RYK: variants seen among roughly 807,000 people sequenced by gnomAD.
RYK encodes inactive tyrosine-protein kinase RYK.
A neutral mutation model predicts 70.2 loss-of-function variants in RYK; 21 were observed. The ratio of observed to expected loss-of-function variants is 0.30; its 90% CI spans 0.21 to 0.43. RYK has a LOEUF of 0.43. RYK is among the 20% of genes least tolerant of loss of function. RYK has a pLI of 1.00. For missense variants in RYK, 604 were observed against 753.3 expected, an observed-to-expected ratio of 0.80 and a Z score of 2.32; for synonymous variants, 267 against 278.0, an observed-to-expected ratio of 0.96 and a Z score of 0.39.
At chr3:134,188,116 T>C (rs895357196) in intron 9 of RYK, among the ~76,000 whole-genome samples, 5 of 150,762 alleles carry the variant, frequency 3.3e-5, no homozygotes, top group African/African-American at 1.2e-4. Flanking sequence ...CATGACAATA[T>C]AAACCAGTGC....
In RYK at chr3:134,190,300, T is replaced by C. The variant is rs563968242; in HGVS notation, c.1016-1377A>G. Among the ~76,000 whole-genome samples the C allele has an allele frequency of 5.3e-5, 8 of 152,204 alleles. 1 individual carries two copies. Among genetic ancestry groups the C allele is most frequent in the South Asian group, 4.1e-4 (2 of 4,834 alleles). On this transcript the variant is annotated intron_variant, in intron 8 of 14. Coordinates refer to ENST00000623711, the MANE Select transcript of RYK (RefSeq NM_002958.4). ...GCTTGACTGAGCTTCTTAACTCTCT[T>C]GCACTGAAGCACTGCAAAACCTCCT... is the stretch of plus-strand genomic sequence containing the variant.
chr3:134,234,936 A>G (rs1432576239), intron 1 of RYK, among the ~76,000 whole-genome samples: 1 of 152,180 alleles, frequency 6.6e-6, no homozygotes, highest in Non-Finnish European at 1.5e-5. Context: ...ATATTAGCAT[A>G]TAAAAGATAT....
chr3:134,237,456 T>C (rs755482846), intron 1 of RYK, among the ~76,000 whole-genome samples: 2 of 152,196 alleles, frequency 1.3e-5, no homozygotes, highest in Non-Finnish European at 2.9e-5. Context: ...TGGCTGGCTG[T>C]CGATAAAAGT....
At chr3:134,229,389 A>AC (rs2107689497) in intron 1 of RYK, among the ~76,000 whole-genome samples, 1 of 151,876 alleles carries the variant, frequency 6.6e-6, no homozygotes, top group South Asian at 2.1e-4. Context: ...GGAAAAAAAA[A>AC]AAAAAAAAAC....
At chr3:134,179,070 T>G (rs2013206607) in intron 10 of RYK, 1 of 152,102 alleles carries the variant, frequency 6.6e-6, no homozygotes, top group African/African-American at 2.4e-5. Flanking sequence ...AACAGGATAA[T>G]AAGTCACAAT....
rs187351653 is a variant in RYK, at chr3:134,160,729, C to G, written c.1576-1356G>C. ...AATTATCTGGGCATGGTGGCGCATG[C>G]CTGTAATCCCAGCTACTCGGGAGGC... On this transcript the variant is annotated intron_variant, in intron 13 of 14. Transcript: ENST00000623711. Among the ~76,000 whole-genome samples the G allele has an allele frequency of 1.9e-3, 283 of 152,260 alleles. 2 individuals carry two copies. The highest frequency in any genetic ancestry group is 6.7e-3 in the African/African-American group (279 of 41,556).
In RYK at chr3:134,250,603, C is replaced by A. The variant is rs1423800183; in HGVS notation, c.52G>T (p.Ala18Ser). 1 of 1,048,612 alleles carries A rather than the reference C, an allele frequency of 9.5e-7. No individual in the cohort carries two copies. Among genetic ancestry groups the A allele is most frequent in the Non-Finnish European group, 1.2e-6 (1 of 866,014 alleles). The allele number at this position is 1,048,612 out of a possible 1,614,324, so 65.0% of individuals were successfully genotyped here. A position where few individuals can be genotyped will look rare whatever the true frequency, so the allele number is the denominator to read the frequency against. Residue 18 changes from alanine to serine, a missense_variant, in exon 1 of 15, where the codon GCC (alanine) becomes TCC (serine). This residue lies in a region of RYK where 466 missense variants were observed against 535.9 expected (regional missense o/e 0.87). Transcript: ENST00000623711. ...GRPGRSCLPG[A>S]RGLRAPPPPP... is the part of the protein sequence containing the mutation. ...GGCGGCGGGGCCCTCAGGCCGCGGG[C>A]CCCCGGGAGGCAACTCCGGCCCGGC... is the stretch of plus-strand genomic sequence containing the variant.
chr3:134,171,339 C>T (rs1316643346), intron 13 of RYK, among the ~76,000 whole-genome samples: 1 of 152,152 alleles, frequency 6.6e-6, no homozygotes. Flanking sequence ...AACCATGTAT[C>T]CTCAACATGA....
rs1445652300 is a variant in RYK at position 134,209,735 on chromosome 3, A to G, written c.549T>C (p.Phe183=). 25 of 1,499,194 alleles carry G rather than the reference A, an allele frequency of 1.7e-5. No homozygotes were observed. In the African/African-American group the frequency reaches 2.3e-4, roughly 14 times the overall value. 92.9% of individuals were successfully genotyped at this position (1,499,194 alleles called of 1,614,324 possible). A position where few individuals can be genotyped will look rare whatever the true frequency, so the allele number is the denominator to read the frequency against. ...LNLTVNSSKN[F]TVLNFKRRKM... ...TCCTTCGTTTAAAATTTAAGACGGT[A>G]AAATTTTTTGAAGAATTTACTGTCA... Residue 183 remains phenylalanine (F), a synonymous_variant, in exon 4 of 15, where the codon TTT becomes TTC. Coordinates refer to ENST00000623711, the MANE Select transcript of RYK (RefSeq NM_002958.4).
At chr3:134,227,655 AAAGACTTTGG>A (rs796245022) in intron 1 of RYK, among the ~76,000 whole-genome samples, 37 of 152,140 alleles carry the variant, frequency 2.4e-4, no homozygotes, top group African/African-American at 8.4e-4. Context: ...CCATTATGAA[AAAGACTTTGG>A]AGGTTCTTTT....
chr3:134,196,758 A>T (rs538447202), intron 6 of RYK, among the ~76,000 whole-genome samples: 28 of 152,324 alleles, frequency 1.8e-4, no homozygotes, highest in African/African-American at 6.7e-4. Context: ...TAGCCTTTCT[A>T]TGGCTAATAA....
intron 2 of RYK, among the ~76,000 whole-genome samples, chr3:134,221,294 T>C (rs113158991): frequency 1.9e-4 from 26 of 134,190 alleles, no homozygotes; most frequent in Admixed American, 9.4e-4. Flanking sequence ...AACCTCCGCC[T>C]CCCGGGTTCA....
At chr3:134,220,243 A>G (rs565110506) in intron 2 of RYK, among the ~76,000 whole-genome samples, 1 of 152,358 alleles carries the variant, frequency 6.6e-6, no homozygotes. Flanking sequence ...ATAGGGAACT[A>G]AGAGACATCA....
At chr3:134,171,845 C>T (rs2012923455) in intron 13 of RYK, among the ~76,000 whole-genome samples, 1 of 150,574 alleles carries the variant, frequency 6.6e-6, no homozygotes, top group East Asian at 1.9e-4. Context: ...CCCACCTGGG[C>T]AACAGAAGTA....
chr3:134,200,163 T>C (rs997988731), intron 6 of RYK, among the ~76,000 whole-genome samples: 3 of 152,024 alleles, frequency 2.0e-5, no homozygotes, highest in African/African-American at 7.2e-5. Context: ...CCTTCCACGC[T>C]GTGGAAGCTT....
At chr3:134,200,047 C>G (rs1286033211) in intron 6 of RYK, among the ~76,000 whole-genome samples, 1 of 151,834 alleles carries the variant, frequency 6.6e-6, no homozygotes, top group Non-Finnish European at 1.5e-5. Context: ...GTAAAATGGG[C>G]CAATCAGCTC....
chr3:134,210,860 A>G (rs2014370008), intron 3 of RYK, among the ~76,000 whole-genome samples: 1 of 152,230 alleles, frequency 6.6e-6, no homozygotes, highest in African/African-American at 2.4e-5. Context: ...TAACAAATGA[A>G]AGAAGAGAAG....
Position 134,191,834 on chromosome 3 carries a change from T to C in RYK, c.1015+15A>G. 6.4e-7 allele frequency: 1 copy of C among 1,569,724 alleles called. No homozygotes were observed. Among genetic ancestry groups the C allele is most frequent in the South Asian group, 1.2e-5 (1 of 84,450 alleles). On this transcript the variant is annotated intron_variant, in intron 8 of 14. Transcript: ENST00000623711. ...TAAATCATACTTAAAAAACCGACTT[T>C]GAGATAATAAATACCTTCTTGGAGT...
chr3:134,186,007 T>C (rs2013446792), intron 9 of RYK, among the ~76,000 whole-genome samples: 1 of 152,240 alleles, frequency 6.6e-6, no homozygotes, highest in Admixed American at 6.5e-5. Context: ...ATGAAAGGTC[T>C]ATCTTCAAGA....
Sources: allele counts gnomAD v4.1 joint callset (sites outside exome capture counted in the v4.1 genomes callset), GRCh38; gene constraint gnomAD v4.1.1; regional missense constraint gnomAD v4.1.1; transcripts MANE v1.5; gene names NCBI Gene and HGNC (gene_info 2026-07-23, HGNC 2026-07-21).